Variants in PIK3CD observed in about 807,000 individuals in gnomAD.
PIK3CD encodes phosphatidylinositol 4,5-bisphosphate 3-kinase catalytic subunit delta isoform.
Under a neutral mutation model 122.9 loss-of-function variants are expected in PIK3CD, and 20 were observed. The observed-to-expected ratio is 0.16, with a 90% CI of 0.11 to 0.24. The LOEUF (loss-of-function observed/expected upper bound fraction) is 0.24. Ranked by LOEUF, PIK3CD falls within the 10% of genes least tolerant of loss-of-function variation. The pLI is 1.00. For missense variants in PIK3CD, 787 were observed against 1,406.3 expected, an observed-to-expected ratio of 0.56 and a Z score of 7.04; for synonymous variants, 596 against 593.4, an observed-to-expected ratio of 1.00 and a Z score of -0.06.
In PIK3CD at chr1:9,673,928, C is replaced by T. The variant is rs190971553; in HGVS notation, c.-137-17539C>T. Among the ~76,000 whole-genome samples, 197 of 152,250 alleles carry T rather than the reference C, an allele frequency of 1.3e-3. 2 individuals are homozygous for T. The highest frequency in any genetic ancestry group is 4.6e-3 in the African/African-American group (191 of 41,556). The stretch of plus-strand genomic sequence containing the variant: ...ATTACACAGGTAAACAACTGCCATC[C>T]GATTGGAGCAGGCATGGCGACCTCT... On this transcript the variant is annotated intron_variant, in intron 1 of 23. Transcript: ENST00000377346.
At chr1:9,636,617 C>T in the PIK3CD span, among the ~76,000 whole-genome samples, 6 of 152,308 alleles carry the variant, frequency 3.9e-5, no homozygotes, top group East Asian at 3.9e-4. Context: ...TTTCTCTGGA[C>T]GGTTCCAGCC....
rs372988965 is a variant in PIK3CD at position 9,721,718 on chromosome 1, G to A, written c.1956-43G>A. 70 of 1,606,638 alleles carry A rather than the reference G, an allele frequency of 4.4e-5. No individual in the cohort carries two copies. In the African/African-American group the frequency reaches 4.7e-4, roughly 11 times the overall value. Reference sequence around the variant, plus strand: ...GGTCCTGCTGGGCGGGAGGGGCTGCGTGGTGCTGCCTGGTGAGGCTCAGCC... The same window carrying A: ...GGTCCTGCTGGGCGGGAGGGGCTGCATGGTGCTGCCTGGTGAGGCTCAGCC... On this transcript the variant is annotated intron_variant, in intron 15 of 23. Coordinates refer to ENST00000377346, the MANE Select transcript of PIK3CD (RefSeq NM_005026.5).
At chr1:9,698,792 C>A (rs1263448941) in intron 2 of PIK3CD, among the ~76,000 whole-genome samples, 1 of 152,118 alleles carries the variant, frequency 6.6e-6, no homozygotes, top group Admixed American at 6.6e-5. Flanking sequence ...CCTGTGGCCT[C>A]CCTGGTGGGC....
rs1299376299 is a variant in PIK3CD at position 9,710,376 on chromosome 1, C to T, written c.-32-48C>T. ...TCCAGGGAGTCCCTTCCAAAGGTCT[C>T]ACCCAGCTCAGCTGAGGTAACTCAT... On this transcript the variant is annotated intron_variant, in intron 2 of 23. Transcript: ENST00000377346. The surrounding 1 kb of genome is among the most constrained non-coding windows in gnomAD (Gnocchi z 4.7). The T allele has an allele frequency of 2.0e-6, 3 of 1,468,590 alleles. No homozygotes were observed. Among genetic ancestry groups the T allele is most frequent in the Non-Finnish European group, 2.9e-6 (3 of 1,049,686 alleles). 91.0% of individuals were successfully genotyped at this position (1,468,590 alleles called of 1,614,324 possible).
the PIK3CD span, among the ~76,000 whole-genome samples, chr1:9,643,603 G>A: frequency 2.6e-5 from 4 of 152,100 alleles, no homozygotes; most frequent in African/African-American, 7.2e-5. Flanking sequence ...AACTAAGATA[G>A]CTCAAAAACT....
intron 1 of PIK3CD, among the ~76,000 whole-genome samples, chr1:9,683,213 C>T (rs554460173): frequency 2.7e-5 from 4 of 150,580 alleles, no homozygotes; most frequent in South Asian, 2.1e-4. Context: ...CAGAGGCGGG[C>T]GGATCACCAG....
intron 2 of PIK3CD, among the ~76,000 whole-genome samples, chr1:9,708,474 C>G (rs1646928383): frequency 6.6e-6 from 1 of 152,134 alleles, no homozygotes; most frequent in Non-Finnish European, 1.5e-5. Flanking sequence ...AGCCACCATG[C>G]CTGACCATGC....
At chr1:9,669,038 T>A (rs1020697881) in intron 1 of PIK3CD, among the ~76,000 whole-genome samples, 5 of 152,160 alleles carry the variant, frequency 3.3e-5, no homozygotes, top group African/African-American at 1.2e-4. Flanking sequence ...GATGACCCTA[T>A]ATGCTGTTTG....
At chr1:9,664,943 C>T (rs1479763266) in intron 1 of PIK3CD, among the ~76,000 whole-genome samples, 1 of 152,104 alleles carries the variant, frequency 6.6e-6, no homozygotes, top group Non-Finnish European at 1.5e-5. Context: ...TGGCTCACAC[C>T]TGTGATCCTA....
chr1:9,657,294 A>G (rs1287343214), intron 1 of PIK3CD, among the ~76,000 whole-genome samples: 1 of 152,130 alleles, frequency 6.6e-6, no homozygotes, highest in Admixed American at 6.6e-5. Context: ...ATTTTTCCAG[A>G]TAATGTCCAG....
At chr1:9,716,808 T>G in intron 6 of PIK3CD, 151 bp from the exon 7 acceptor site, 1 of 1,216,654 alleles carries the variant, frequency 8.2e-7, no homozygotes, top group East Asian at 2.4e-5. Context: ...TCTTGGGAGG[T>G]GGAGGTGGGG....
At chr1:9,681,083 G>T (rs907049227) in intron 1 of PIK3CD, 6 of 151,820 alleles carry the variant, frequency 4.0e-5, no homozygotes, top group African/African-American at 1.5e-4. Context: ...AGGGTGGCTT[G>T]AGTGTCCTTA....
rs2100954363 is a variant in PIK3CD at position 9,720,763 on chromosome 1, C to T, written c.1543C>T (p.Leu515=). 6.2e-7 allele frequency: 1 copy of T among 1,613,128 alleles called. No individual in the cohort carries two copies. ...TCAGCAGCTGCAGCTGCGGGAAATC[C>T]TGGAGCGGCGGGGGTCTGGGGAGCT... ...EEEQLQLREI[L]ERRGSGELYE... The change falls in exon 13 of 24, where the codon CTG becomes TTG. Residue 515 remains leucine, a synonymous_variant. Coordinates refer to ENST00000377346, the MANE Select transcript of PIK3CD (RefSeq NM_005026.5). The surrounding 1 kb of genome is among the most constrained non-coding windows in gnomAD (Gnocchi z 9.0).
intron 2 of PIK3CD, among the ~76,000 whole-genome samples, chr1:9,705,338 AAAAG>A (rs1323925408): frequency 2.6e-5 from 4 of 151,242 alleles, no homozygotes; most frequent in Admixed American, 6.6e-5. Context: ...AAAAAAAAAA[AAAAG>A]GAAAAAAAAA....
At chr1:9,667,335 A>G (rs746090413) in intron 1 of PIK3CD, among the ~76,000 whole-genome samples, 3 of 151,988 alleles carry the variant, frequency 2.0e-5, no homozygotes, top group Non-Finnish European at 2.9e-5. Flanking sequence ...GTGACATATA[A>G]TAGTTTCATA....
Position 9,723,045 on chromosome 1 carries a change from C to T in PIK3CD, c.2427-80C>T. The stretch of plus-strand genomic sequence containing the variant: ...CATCTTCTGTGGCTTTTTGGGGCAC[C>T]ATGAGTTTCTGGGGCTCAAGTGGCC... On this transcript the variant is annotated intron_variant, in intron 19 of 23. Transcript: ENST00000377346. This position sits in a 1 kb window ranked among gnomAD's most constrained non-coding sequence, Gnocchi z 4.9. The T allele has an allele frequency of 7.1e-7, 1 of 1,415,348 alleles. No individual in the cohort carries two copies. The highest frequency in any genetic ancestry group is 2.3e-5 in the East Asian group (1 of 43,960). 87.7% of individuals were successfully genotyped at this position (1,415,348 alleles called of 1,614,324 possible).
chr1:9,725,108 T>C (rs546356375), intron 23 of PIK3CD, among the ~76,000 whole-genome samples, 172 bp downstream of exon 23: 37 of 152,280 alleles, frequency 2.4e-4, no homozygotes, highest in Middle Eastern at 6.8e-3. Flanking sequence ...GAGGGGAAAG[T>C]GGCTGGACCA....
Position 9,718,780 on chromosome 1 carries a change from C to T in PIK3CD, c.1107C>T (p.Pro369=), listed in dbSNP as rs779550122. 8.7e-6 allele frequency: 14 copies of T among 1,611,412 alleles called. No homozygotes were observed. The highest frequency in any genetic ancestry group is 1.2e-5 in the Non-Finnish European group (14 of 1,179,950). ...CGGAGGTGAGCGTGTGCTCGGAGCC[C>T]GTGTGGAAGCAGCGGCTGGAGTTCG... ...SSSEVSVCSE[P]VWKQRLEFDI... Residue 369 remains proline, a synonymous_variant, in exon 9 of 24, where the codon CCC becomes CCT. Transcript: ENST00000377346. The surrounding 1 kb of genome is among the most constrained non-coding windows in gnomAD (Gnocchi z 7.2).
chr1:9,640,740 G>A, the PIK3CD span, among the ~76,000 whole-genome samples: 5 of 152,014 alleles, frequency 3.3e-5, no homozygotes, highest in South Asian at 2.1e-4. Flanking sequence ...TCACAGTCCC[G>A]CCACTCCCCG....
Sources: allele counts gnomAD v4.1 joint callset (sites outside exome capture counted in the v4.1 genomes callset), GRCh38; gene constraint gnomAD v4.1.1; non-coding constraint Gnocchi (gnomAD v3.1); transcripts MANE v1.5; gene names NCBI Gene and HGNC (gene_info 2026-07-23, HGNC 2026-07-21).